Variants in OVCH2 observed in about 807,000 individuals in gnomAD.
The protein encoded by OVCH2 is ovochymase-2.
OVCH2 carries 88 observed loss-of-function variants against 73.7 expected under a neutral mutation model. The observed-to-expected ratio is 1.19, with a 90% CI of 1.01 to 1.43. The LOEUF (loss-of-function observed/expected upper bound fraction) is 1.43. Among genes scored for constraint, OVCH2 ranks in the 40% most tolerant of loss-of-function variants. OVCH2 has a pLI of 0.00. For synonymous variants in OVCH2, 265 were observed against 234.5 expected (o/e 1.13, Z -1.19); for missense variants, 706 against 674.5 (o/e 1.05, Z -0.52).
chr11:7,686,141 G>A (rs1316937138), downstream of OVCH2, among the ~76,000 whole-genome samples: 1 of 152,228 alleles, frequency 6.6e-6, no homozygotes, highest in Non-Finnish European at 1.5e-5. Flanking sequence ...AGGTAGCACA[G>A]CACTGTGCCG....
the OVCH2 span, among the ~76,000 whole-genome samples, chr11:7,683,222 G>A: frequency 3.9e-5 from 6 of 152,234 alleles, no homozygotes; most frequent in South Asian, 1.2e-3. Flanking sequence ...TAAATGAATA[G>A]GCAAATCAAA....
chr11:7,678,749 C>T, the OVCH2 span, among the ~76,000 whole-genome samples: 2 of 152,102 alleles, frequency 1.3e-5, no homozygotes, highest in African/African-American at 4.8e-5. Flanking sequence ...CACACATGGA[C>T]ATAAAGATGG....
chr11:7,693,631 C>T (rs1856263188), intron 12 of OVCH2, among the ~76,000 whole-genome samples: 1 of 152,224 alleles, frequency 6.6e-6, no homozygotes, highest in Non-Finnish European at 1.5e-5. Flanking sequence ...TTATCCTCCA[C>T]CACTAACAAA....
At chr11:7,692,583 A>G (rs1390857154) in intron 12 of OVCH2, among the ~76,000 whole-genome samples, 1 of 152,254 alleles carries the variant, frequency 6.6e-6, no homozygotes, top group East Asian at 1.9e-4. Context: ...GATATAAAAC[A>G]AAGTATCATC....
the OVCH2 span, among the ~76,000 whole-genome samples, chr11:7,681,874 A>G: frequency 2.7e-5 from 4 of 147,394 alleles, no homozygotes. Flanking sequence ...AAAAAAAAAG[A>G]AAAATGAAGG....
At position 7,691,274 on chromosome 11, in the gene OVCH2, T is replaced by G; in HGVS notation, c.1634A>C (p.Lys545Thr). 1 of 1,610,242 alleles carries G rather than the reference T, an allele frequency of 6.2e-7. No individual in the cohort carries two copies. Among genetic ancestry groups the G allele is most frequent in the South Asian group, 1.1e-5 (1 of 90,296 alleles). ...GFQATVSFIP[K>T]AVYPDLNISI... ...TGGTAACTCTATCTTCTTACCTGCTTTAGGAATGAAGGAGACTGTAGCCTG... is the reference window on the plus strand; with the variant it reads ...TGGTAACTCTATCTTCTTACCTGCTGTAGGAATGAAGGAGACTGTAGCCTG... Residue 545 changes from lysine (K) to threonine (T), a missense_variant, in exon 14 of 16, where the codon AAA (lysine) becomes ACA (threonine). Lys to Thr is a moderately conservative substitution (Grantham distance 78). Transcript: ENST00000533663.
rs1035143142 is a variant in OVCH2 at position 7,694,761 on chromosome 11, G to A, written c.1413+297C>T. ...CGAGTAGCTGGGATTACAGGCGCCCGCCACCGCGCCCGGCTAATTCAATAC... is the reference window on the plus strand; with the variant it reads ...CGAGTAGCTGGGATTACAGGCGCCCACCACCGCGCCCGGCTAATTCAATAC... On this transcript the variant is annotated intron_variant, in intron 12 of 15. Coordinates refer to ENST00000533663, the MANE Select transcript of OVCH2 (RefSeq NM_198185.7). Among the ~76,000 whole-genome samples the A allele has an allele frequency of 1.2e-4, 18 of 146,148 alleles. No homozygotes were observed. The South Asian group carries it at 3.7e-3, about 30-fold the overall frequency.
chr11:7,687,569 A>T (rs1242857020), downstream of OVCH2, among the ~76,000 whole-genome samples: 1 of 152,008 alleles, frequency 6.6e-6, no homozygotes, highest in Non-Finnish European at 1.5e-5. Context: ...TTCACTCTCT[A>T]TCTTTAGCAA....
downstream of OVCH2, among the ~76,000 whole-genome samples, chr11:7,687,904 G>C (rs1193637079): frequency 6.6e-6 from 1 of 152,116 alleles, no homozygotes; most frequent in Non-Finnish European, 1.5e-5. Context: ...AGAGTAGAAA[G>C]AGAGGAAGCA....
rs1856237563 is a variant in OVCH2, at chr11:7,692,285, T to TA, written c.1414-291_1414-290insT. On this transcript the variant is annotated intron_variant, in intron 12 of 15. Transcript: ENST00000533663. Reference sequence around the variant, plus strand: ...GATTAGGAGAGCTACCGCATGGGGATTTTTTTCCTTGGAAGCAACTAGGCA... The same window carrying TA: ...GATTAGGAGAGCTACCGCATGGGGATATTTTTTCCTTGGAAGCAACTAGGCA... Among the ~76,000 whole-genome samples, 5 of 150,646 alleles carry TA rather than the reference T, an allele frequency of 3.3e-5. No homozygotes were observed. The South Asian group carries it at 1.0e-3, about 31-fold the overall frequency.
At chr11:7,693,103 A>C (rs1190365328) in intron 12 of OVCH2, among the ~76,000 whole-genome samples, 1 of 152,174 alleles carries the variant, frequency 6.6e-6, no homozygotes, top group African/African-American at 2.4e-5. Context: ...TTTGGTGAGC[A>C]CTAGCCAATT....
chr11:7,702,015 AAG>A, intron 4 of OVCH2, 140 bp downstream of exon 4: 2 of 872,334 alleles, frequency 2.3e-6, no homozygotes, highest in Non-Finnish European at 3.5e-6. Context: ...CACAAGCAAA[AAG>A]AGTTTCAGGT....
chr11:7,686,171 T>A (rs1165875004), downstream of OVCH2, among the ~76,000 whole-genome samples: 1 of 152,222 alleles, frequency 6.6e-6, no homozygotes, highest in Admixed American at 6.5e-5. Context: ...AGAAGGTTGC[T>A]GAGGTATGAA....
At chr11:7,683,223 G>A in the OVCH2 span, among the ~76,000 whole-genome samples, 2 of 152,082 alleles carry the variant, frequency 1.3e-5, no homozygotes, top group African/African-American at 4.8e-5. Flanking sequence ...AAATGAATAG[G>A]CAAATCAAAC....
intron 14 of OVCH2, among the ~76,000 whole-genome samples, chr11:7,690,988 C>G (rs2136150228): frequency 6.6e-6 from 1 of 152,122 alleles, no homozygotes; most frequent in South Asian, 2.1e-4. Flanking sequence ...AATGAACCAG[C>G]AATATATATT....
At chr11:7,683,849 C>G in the OVCH2 span, among the ~76,000 whole-genome samples, 2 of 152,020 alleles carry the variant, frequency 1.3e-5, no homozygotes, top group East Asian at 3.9e-4. Flanking sequence ...CCTTTGCCTT[C>G]AACTCCTTCA....
chr11:7,678,719 A>T, the OVCH2 span, among the ~76,000 whole-genome samples: 1 of 152,244 alleles, frequency 6.6e-6, no homozygotes, highest in Non-Finnish European at 1.5e-5. Flanking sequence ...CTCACTTATA[A>T]GTGGGAGCTA....
chr11:7,683,029 C>A, the OVCH2 span, among the ~76,000 whole-genome samples: 1 of 152,196 alleles, frequency 6.6e-6, no homozygotes, highest in African/African-American at 2.4e-5. Context: ...TCATTTCCAA[C>A]CCCTGGAAAT....
chr11:7,691,671 C>T (rs189965911), intron 13 of OVCH2, among the ~76,000 whole-genome samples: 5 of 152,288 alleles, frequency 3.3e-5, no homozygotes, highest in Non-Finnish European at 7.3e-5. Flanking sequence ...CCCTTTCTGA[C>T]TCCTAGTTTC....
Sources: gnomAD v4.1 joint callset for allele counts (sites outside exome capture counted in the v4.1 genomes callset) on GRCh38, gnomAD v4.1.1 for gene constraint, MANE v1.5 for transcripts, NCBI Gene and HGNC (gene_info 2026-07-23, HGNC 2026-07-21) for gene names.